The following EYA1 variants were observed in gnomAD, a reference collection of about 807,000 sequenced individuals.
The protein encoded by EYA1 is EYA transcriptional coactivator and phosphatase 1.
EYA1 carries 16 observed loss-of-function variants against 82.0 expected under a neutral mutation model. The observed-to-expected ratio is 0.20, with a 90% CI of 0.13 to 0.30. The LOEUF (loss-of-function observed/expected upper bound fraction) is 0.30, where lower values mean the gene tolerates loss of function less well. EYA1 is among the 10% of genes least tolerant of loss of function. EYA1 has a pLI of 1.00. For synonymous variants in EYA1, 261 were observed against 264.4 expected (o/e 0.99, Z 0.12); for missense variants, 633 against 730.7 (o/e 0.87, Z 1.54).
intron 7 of EYA1, among the ~76,000 whole-genome samples, chr8:71,307,769 G>A (rs1366709996): frequency 6.6e-6 from 1 of 152,072 alleles, no homozygotes; most frequent in African/African-American, 2.4e-5. Flanking sequence ...ACATACCATC[G>A]GAGCATGCCG....
chr8:71,305,940 T>C (rs1230927808), intron 7 of EYA1, among the ~76,000 whole-genome samples: 2 of 152,198 alleles, frequency 1.3e-5, no homozygotes, highest in Non-Finnish European at 2.9e-5. Context: ...TGGCATTCTT[T>C]ATAGGTGCAA....
At position 71,345,750 on chromosome 8, in the gene EYA1, C is replaced by T. The variant is rs75839715; in HGVS notation, c.124+9032G>A. ...TTCAGATAAAATGCCTTCATTTCTTCTCACCTGGGGTCCCTTCTTAGTGCC... is the reference window on the plus strand; with the variant it reads ...TTCAGATAAAATGCCTTCATTTCTTTTCACCTGGGGTCCCTTCTTAGTGCC... On this transcript the variant is annotated intron_variant, in intron 3 of 17. Transcript: ENST00000340726. Among the ~76,000 whole-genome samples the T allele has an allele frequency of 2.6e-3, 400 of 152,230 alleles. 1 individual carries two copies. Among genetic ancestry groups the T allele is most frequent in the African/African-American group, 9.3e-3 (385 of 41,536 alleles).
intron 2 of EYA1, among the ~76,000 whole-genome samples, chr8:71,424,128 G>A (rs1233458029): frequency 5.3e-5 from 8 of 152,098 alleles, no homozygotes; most frequent in Admixed American, 3.9e-4. Context: ...TCTGTCACAG[G>A]TGCTTCCCAA....
intron 2 of EYA1, among the ~76,000 whole-genome samples, chr8:71,459,260 C>G (rs988088028): frequency 2.0e-5 from 3 of 152,164 alleles, no homozygotes; most frequent in Non-Finnish European, 4.4e-5. Flanking sequence ...TTGACGGTGG[C>G]CAAACTTTTA....
intron 2 of EYA1, among the ~76,000 whole-genome samples, chr8:71,437,432 G>C (rs527657347): frequency 7.2e-5 from 11 of 151,948 alleles, no homozygotes; most frequent in African/African-American, 2.7e-4. Context: ...CTATGCCTCA[G>C]TTTTGTCCAT....
intron 2 of EYA1, among the ~76,000 whole-genome samples, chr8:71,512,326 G>A (rs1427757485): frequency 2.0e-5 from 3 of 151,820 alleles, no homozygotes; most frequent in African/African-American, 7.3e-5. Context: ...ATGCAAGAAG[G>A]TGGAGAAAAG....
intron 2 of EYA1, among the ~76,000 whole-genome samples, chr8:71,425,693 T>G (rs186812219): frequency 4.7e-5 from 7 of 147,680 alleles, no homozygotes; most frequent in African/African-American, 1.9e-4. Context: ...GAATCCTTAG[T>G]GTGTGTGTGT....
Position 71,540,129 on chromosome 8 carries a change from T to TAA in EYA1, c.-72-4283_-72-4282dup, listed in dbSNP as rs5892287. Among the ~76,000 whole-genome samples the TAA allele has an allele frequency of 6.2e-3, 943 of 151,370 alleles. 6 individuals carry two copies. The highest frequency in any genetic ancestry group is 0.019 in the African/African-American group (785 of 41,270). ...CACAGAAACTTTAAAGTACATAAAA[T>TAA]AAAAAAAAATCTATTCTGTGCATTC... On this transcript the variant is annotated intron_variant, in intron 1 of 18. Coordinates refer to the EYA1 transcript ENST00000643681.
chr8:71,203,625 T>C (rs1807355324), intron 17 of EYA1, among the ~76,000 whole-genome samples: 1 of 152,148 alleles, frequency 6.6e-6, no homozygotes, highest in Non-Finnish European at 1.5e-5. Flanking sequence ...TTTGTCAAGG[T>C]AGCAGCACTT....
At chr8:71,317,402 T>C in intron 7 of EYA1, 150 bp downstream of exon 7, 2 of 755,440 alleles carry the variant, frequency 2.6e-6, no homozygotes, top group Non-Finnish European at 2.3e-6. Context: ...AATAGGTAAG[T>C]GATGAATCAA....
intron 2 of EYA1, 139 bp downstream of exon 2, chr8:71,356,323 A>G (rs1309278694): frequency 4.7e-6 from 3 of 643,468 alleles, no homozygotes; most frequent in Non-Finnish European, 7.8e-6. Flanking sequence ...TTTTACAAGC[A>G]CACACACACA....
intron 2 of EYA1, among the ~76,000 whole-genome samples, chr8:71,429,322 A>G (rs1404811433): frequency 6.6e-6 from 1 of 152,204 alleles, no homozygotes; most frequent in Non-Finnish European, 1.5e-5. Flanking sequence ...CATTTTAATA[A>G]ATGATAAAAG....
intron 1 of EYA1, among the ~76,000 whole-genome samples, chr8:71,361,301 G>A (rs72654191): frequency 0.029 from 4,408 of 152,250 alleles, 79 homozygotes; most frequent in Middle Eastern, 0.045. Context: ...TGAGATTTGT[G>A]CAGCAATTCA....
At chr8:71,450,205 C>G (rs1310324232) in intron 2 of EYA1, among the ~76,000 whole-genome samples, 2 of 152,216 alleles carry the variant, frequency 1.3e-5, no homozygotes, top group Non-Finnish European at 2.9e-5. Flanking sequence ...ACTTGGCTAA[C>G]CATTTGGCAC....
At chr8:71,495,253 G>A (rs1207778369) in intron 2 of EYA1, among the ~76,000 whole-genome samples, 2 of 152,210 alleles carry the variant, frequency 1.3e-5, no homozygotes, top group East Asian at 1.9e-4. Context: ...CTTTTTTCAC[G>A]ATAAAAATAA....
intron 12 of EYA1, among the ~76,000 whole-genome samples, chr8:71,239,785 A>G (rs1812260015): frequency 6.6e-6 from 1 of 152,192 alleles, no homozygotes. Flanking sequence ...CATCCACACA[A>G]AAGCTGAACA....
chr8:71,486,606 C>T (rs535213303), intron 2 of EYA1, among the ~76,000 whole-genome samples: 4 of 152,320 alleles, frequency 2.6e-5, no homozygotes, highest in East Asian at 1.9e-4. Flanking sequence ...GAAAAAAGAC[C>T]TGGATCCTAT....
At chr8:71,320,209 C>T (rs1215795978) in intron 6 of EYA1, among the ~76,000 whole-genome samples, 1 of 152,054 alleles carries the variant, frequency 6.6e-6, no homozygotes, top group Non-Finnish European at 1.5e-5. Context: ...ATGTCCAGGT[C>T]CCACCAAGAC....
chr8:71,438,387 G>T (rs905554868), intron 2 of EYA1, among the ~76,000 whole-genome samples: 3 of 151,318 alleles, frequency 2.0e-5, no homozygotes, highest in Admixed American at 6.6e-5. Context: ...AAATAACCTA[G>T]ATAAATAATG....
Sources: gnomAD v4.1 joint callset for allele counts (sites outside exome capture counted in the v4.1 genomes callset) on GRCh38, gnomAD v4.1.1 for gene constraint, MANE v1.5 for transcripts, NCBI Gene and HGNC (gene_info 2026-07-23, HGNC 2026-07-21) for gene names.